Variants in CLYBL observed in about 807,000 individuals in gnomAD.
The protein encoded by CLYBL is citramalyl-CoA lyase.
CLYBL carries 31 observed loss-of-function variants against 38.9 expected under a neutral mutation model. The ratio of observed to expected loss-of-function variants is 0.80; its 90% CI spans 0.60 to 1.08. CLYBL has a LOEUF of 1.08. Among genes scored for constraint, CLYBL ranks in the 50% least tolerant of loss-of-function variants. CLYBL has a pLI of 0.00. For synonymous variants in CLYBL, 171 were observed against 158.6 expected (o/e 1.08, Z -0.59); for missense variants, 434 against 411.6 (o/e 1.05, Z -0.47).
chr13:99,660,491 G>A (rs2047393701), intron 1 of CLYBL, among the ~76,000 whole-genome samples: 1 of 152,126 alleles, frequency 6.6e-6, no homozygotes, highest in Non-Finnish European at 1.5e-5. Context: ...GTTCAATGCA[G>A]GGATGCATTT....
At chr13:99,744,296 G>A (rs991144031) in intron 1 of CLYBL, among the ~76,000 whole-genome samples, 3 of 152,176 alleles carry the variant, frequency 2.0e-5, no homozygotes, top group Non-Finnish European at 4.4e-5. Flanking sequence ...TTAAAATGTT[G>A]GAGGCCAGGG....
intron 2 of CLYBL, among the ~76,000 whole-genome samples, chr13:99,809,293 T>G (rs2050293383): frequency 6.6e-6 from 1 of 152,228 alleles, no homozygotes; most frequent in Non-Finnish European, 1.5e-5. Context: ...GTTCAGTCCT[T>G]GTTTGCCTGC....
chr13:99,741,265 A>C (rs2048750313), intron 1 of CLYBL, among the ~76,000 whole-genome samples: 1 of 152,198 alleles, frequency 6.6e-6, no homozygotes, highest in Non-Finnish European at 1.5e-5. Flanking sequence ...TAAATTCTCT[A>C]GGAAGTTTGG....
intron 1 of CLYBL, among the ~76,000 whole-genome samples, chr13:99,763,105 A>G (rs1030421025): frequency 6.6e-6 from 1 of 152,176 alleles, no homozygotes; most frequent in African/African-American, 2.4e-5. Context: ...AGATCATGTT[A>G]TCTGTGAACA....
At chr13:99,716,217 G>A (rs1489062733) in intron 1 of CLYBL, among the ~76,000 whole-genome samples, 1 of 66,154 alleles carries the variant, frequency 1.5e-5, no homozygotes, top group Non-Finnish European at 3.0e-5. Context: ...TAGAGACAAG[G>A]TCTCGCTATG....
At chr13:99,861,255 G>A (rs1256666856) in intron 3 of CLYBL, among the ~76,000 whole-genome samples, 2 of 152,092 alleles carry the variant, frequency 1.3e-5, no homozygotes, top group Non-Finnish European at 2.9e-5. Context: ...GGAGGAGGAT[G>A]GGCTAGAATA....
intron 9 of CLYBL, among the ~76,000 whole-genome samples, chr13:99,905,722 CT>C (rs35968589): frequency 0.15 from 21,591 of 146,584 alleles, 1,832 homozygotes; most frequent in East Asian, 0.29. Context: ...GTTGTTTTTG[CT>C]TTTTTTTTTT....
chr13:99,614,154 G>A (rs1040924229), intron 1 of CLYBL, among the ~76,000 whole-genome samples: 3 of 152,114 alleles, frequency 2.0e-5, no homozygotes, highest in Non-Finnish European at 2.9e-5. Context: ...GAGCCCAGAA[G>A]GAAAGGAATT....
chr13:99,852,783 T>C (rs2051363840), intron 2 of CLYBL, among the ~76,000 whole-genome samples: 1 of 152,206 alleles, frequency 6.6e-6, no homozygotes. Flanking sequence ...TGGAAGATTG[T>C]ACAGTAGAAA....
chr13:99,886,480 C>T (rs1019783167), intron 7 of CLYBL, among the ~76,000 whole-genome samples: 6 of 152,366 alleles, frequency 3.9e-5, no homozygotes, highest in South Asian at 4.1e-4. Context: ...TTCCTTCCTA[C>T]GCGGAAGACA....
At chr13:99,676,900 C>G (rs1409251007) in intron 1 of CLYBL, among the ~76,000 whole-genome samples, 1 of 151,860 alleles carries the variant, frequency 6.6e-6, no homozygotes, top group East Asian at 1.9e-4. Flanking sequence ...CCACTGCGCT[C>G]GGCCCATCAT....
rs2051837802 is a variant in CLYBL, at chr13:99,869,788, C to T, written c.803-1150C>T. On this transcript the variant is annotated intron_variant, in intron 6 of 8. Coordinates refer to ENST00000339105, the MANE Select transcript of CLYBL (RefSeq NM_206808.5). This position sits in a 1 kb window ranked among gnomAD's most constrained non-coding sequence, Gnocchi z 4.3. ...TTCTACTGTCTAAATGTTAAAATAA[C>T]TATTTCAAAAGCAAAGCAAACTGAT... 6.6e-6 allele frequency among the ~76,000 whole-genome samples: 1 copy of T among 151,982 alleles called. No homozygotes were observed. Among genetic ancestry groups the T allele is most frequent in the Non-Finnish European group, 1.5e-5 (1 of 67,938 alleles).
chr13:99,837,284 C>A (rs1485062252), intron 2 of CLYBL, among the ~76,000 whole-genome samples: 1 of 152,006 alleles, frequency 6.6e-6, no homozygotes, highest in East Asian at 1.9e-4. Flanking sequence ...CCTGTCTATA[C>A]AAAAAGTAAA....
rs551898824 is a variant in CLYBL at position 99,887,221 on chromosome 13, A to G, written c.928-4097A>G. On this transcript the variant is annotated intron_variant, in intron 7 of 8. Coordinates refer to ENST00000339105, the MANE Select transcript of CLYBL (RefSeq NM_206808.5). ...AAACCACGTGGCACTGGGCCCAGGA[A>G]TCTGCATTTTAACAAGTCCCCCCCG... Among the ~76,000 whole-genome samples, 11 of 147,676 alleles carry G rather than the reference A, an allele frequency of 7.4e-5. No homozygotes were observed. The South Asian group carries it at 1.1e-3, about 14-fold the overall frequency.
intron 1 of CLYBL, among the ~76,000 whole-genome samples, chr13:99,636,312 T>G (rs930652748): frequency 4.6e-5 from 7 of 152,316 alleles, no homozygotes; most frequent in Non-Finnish European, 1.0e-4. Flanking sequence ...ATAGAATTAT[T>G]AATGTTTACC....
intron 1 of CLYBL, among the ~76,000 whole-genome samples, chr13:99,633,029 CA>C (rs1258160010): frequency 6.6e-6 from 1 of 151,792 alleles, no homozygotes; most frequent in African/African-American, 2.4e-5. Flanking sequence ...CACTTGAGGC[CA>C]GGAATTCATG....
At chr13:99,689,198 A>G (rs2047863355) in intron 1 of CLYBL, among the ~76,000 whole-genome samples, 1 of 152,188 alleles carries the variant, frequency 6.6e-6, no homozygotes, top group South Asian at 2.1e-4. Context: ...TTTAAGCTTC[A>G]TTACTGCAAA....
intron 2 of CLYBL, among the ~76,000 whole-genome samples, chr13:99,775,778 G>A (rs957024109): frequency 6.6e-6 from 1 of 152,028 alleles, no homozygotes; most frequent in African/African-American, 2.4e-5. Context: ...CAAAGGGCTG[G>A]GATTACAGGC....
intron 1 of CLYBL, among the ~76,000 whole-genome samples, chr13:99,667,346 A>G (rs1451918619): frequency 6.6e-6 from 1 of 151,946 alleles, no homozygotes; most frequent in East Asian, 1.9e-4. Context: ...GTAAGCTTGC[A>G]ACAGCCACGG....
Sources: allele counts gnomAD v4.1 joint callset (sites outside exome capture counted in the v4.1 genomes callset), GRCh38; gene constraint gnomAD v4.1.1; non-coding constraint Gnocchi (gnomAD v3.1); transcripts MANE v1.5; gene names NCBI Gene and HGNC (gene_info 2026-07-23, HGNC 2026-07-21).